The following ZNF320 variants were observed in gnomAD, a reference collection of about 807,000 sequenced individuals.
ZNF320 encodes the protein zinc finger protein 320, also known as zinc finger gene 320.
In ZNF320, 2 loss-of-function variants were observed where a neutral mutation model predicts 6.8. That is an observed-to-expected ratio of 0.29 (90% CI 0.12 to 0.93). The LOEUF is 0.93. ZNF320 is among the 40% of genes least tolerant of loss of function. ZNF320 has a pLI of 0.55. For missense variants in ZNF320, 472 were observed against 611.0 expected (o/e 0.77, Z 2.40); for synonymous variants, 208 against 203.2 (o/e 1.02, Z -0.20).
rs2063911712 is a variant in ZNF320 at position 52,881,318 on chromosome 19, C to T, written c.808G>A (p.Glu270Lys). The change falls in exon 6 of 6, where the codon GAG (glutamate) becomes AAG (lysine). Residue 270 changes from glutamate (E) to lysine (K), a missense_variant. Glu to Lys is a moderately conservative substitution (Grantham distance 56). This residue lies in a region of ZNF320 where 462 missense variants were observed against 559.7 expected (regional missense o/e 0.83). Transcript: ENST00000682928. ...CACTCATTACATTTGTAAGGTTTCTCTCCAGTATGCAGTCTATGATGGTAC... is the reference window on the plus strand; with the variant it reads ...CACTCATTACATTTGTAAGGTTTCTTTCCAGTATGCAGTCTATGATGGTAC... ...LVYHHRLHTG[E>K]KPYKCNECGK... is the part of the protein sequence containing the mutation. The T allele has an allele frequency of 6.2e-7, 1 of 1,614,196 alleles. No homozygotes were observed. The highest frequency in any genetic ancestry group is 8.5e-7 in the Non-Finnish European group (1 of 1,180,038).
At chr19:52,890,680 T>C (rs1412760277) in intron 3 of ZNF320, among the ~76,000 whole-genome samples, 5 of 152,030 alleles carry the variant, frequency 3.3e-5, no homozygotes, top group Non-Finnish European at 7.4e-5. Flanking sequence ...GTGACTAGCC[T>C]AGGCAACATG....
chr19:52,874,017 T>C, downstream of ZNF320: 1 of 464,566 alleles, frequency 2.2e-6, no homozygotes, highest in Non-Finnish European at 4.3e-6. Flanking sequence ...CCCTGGCTCC[T>C]TTTCTTTGCC....
In ZNF320 at chr19:52,879,027, G is replaced by C. The variant is rs1333897418; in HGVS notation, c.*1569C>G. The C allele has an allele frequency of 6.6e-6, 1 of 152,136 alleles. No individual in the cohort carries two copies. The highest frequency in any genetic ancestry group is 2.4e-5 in the African/African-American group (1 of 41,434). The allele number at this position is 152,136 out of a possible 1,614,324, so 9.4% of individuals were successfully genotyped here. A position where few individuals can be genotyped will look rare whatever the true frequency, so the allele number is the denominator to read the frequency against. ...GTTTCTTCTTGTTTCAGTTTTAGCA[G>C]AATTTACATTGCCTTGATTGAGTCT... On this transcript the variant is annotated 3_prime_UTR_variant, in exon 6 of 6. Transcript: ENST00000682928.
rs1245659988 is a variant in ZNF320, at chr19:52,877,431, G to A, written c.*3165C>T. 1 of 152,202 alleles carries A rather than the reference G, an allele frequency of 6.6e-6. No homozygotes were observed. Among genetic ancestry groups the A allele is most frequent in the Non-Finnish European group, 1.5e-5 (1 of 68,040 alleles). The allele number at this position is 152,202 out of a possible 1,614,324, so 9.4% of individuals were successfully genotyped here. Reference sequence around the variant, plus strand: ...CAGGGAGGAGGGATAAGTCACTTATGCCTTAGGCTGGCTCAGGGACCCTGT... The same window carrying A: ...CAGGGAGGAGGGATAAGTCACTTATACCTTAGGCTGGCTCAGGGACCCTGT... On this transcript the variant is annotated 3_prime_UTR_variant, in exon 6 of 6. Coordinates refer to ENST00000682928, the MANE Select transcript of ZNF320 (RefSeq NM_001351774.2).
intron 5 of ZNF320, among the ~76,000 whole-genome samples, chr19:52,869,169 T>G (rs2063634541): frequency 6.6e-6 from 1 of 152,094 alleles, no homozygotes; most frequent in African/African-American, 2.4e-5. Context: ...TGGAACTAAT[T>G]TAGCAAATGG....
rs576145242 is a variant in ZNF320, at chr19:52,862,799, T to C, written c.*1230A>G. ...TTCTCCTATGCATTGCAAGGTGTGA[T>C]CTGCAACTGAAAACGTTGTCACATT... On this transcript the variant is annotated 3_prime_UTR_variant, in exon 6 of 6. Transcript: ENST00000673631. 3.4e-4 allele frequency: 119 copies of C among 351,854 alleles called. 3 individuals are homozygous for C. Among genetic ancestry groups the C allele is most frequent in the South Asian group, 3.1e-3 (114 of 36,642 alleles). The allele number at this position is 351,854 out of a possible 1,614,324, so 21.8% of individuals were successfully genotyped here.
chr19:52,875,020 G>C (rs1419889383), downstream of ZNF320, among the ~76,000 whole-genome samples: 1 of 152,166 alleles, frequency 6.6e-6, no homozygotes, highest in Non-Finnish European at 1.5e-5. Flanking sequence ...ATGAGGCCTT[G>C]AAACATTTTT....
chr19:52,863,757 G>A (rs551710029), exon 6 of ZNF320: 12 of 169,424 alleles, frequency 7.1e-5, no homozygotes, highest in African/African-American at 1.7e-4. Context: ...AACAATGCCA[G>A]GTGCGGTGGC....
chr19:52,867,600 A>C (rs1568695749), intron 5 of ZNF320, among the ~76,000 whole-genome samples: 1 of 151,814 alleles, frequency 6.6e-6, no homozygotes, highest in African/African-American at 2.4e-5. Flanking sequence ...CAGTGCTTTT[A>C]TTTTTATTTT....
chr19:52,866,589 T>C (rs1436524765), intron 5 of ZNF320, among the ~76,000 whole-genome samples: 2 of 152,070 alleles, frequency 1.3e-5, no homozygotes, highest in Non-Finnish European at 2.9e-5. Context: ...ACATTTATCA[T>C]GTCGAGCTCT....
intron 5 of ZNF320, among the ~76,000 whole-genome samples, chr19:52,867,176 TAA>T (rs1491347101): frequency 6.6e-6 from 1 of 151,562 alleles, no homozygotes; most frequent in African/African-American, 2.4e-5. Flanking sequence ...TTTAATTAAT[TAA>T]TTAATTAATT....
At chr19:52,899,492 T>C (rs2147915499), upstream of ZNF320, among the ~76,000 whole-genome samples, 1 of 152,316 alleles carries the variant, frequency 6.6e-6, no homozygotes, top group East Asian at 1.9e-4. Flanking sequence ...TGATGGAGTC[T>C]CGCTCTGTCA....
upstream of ZNF320, among the ~76,000 whole-genome samples, chr19:52,898,146 C>G (rs1360307390): frequency 2.0e-5 from 3 of 152,186 alleles, no homozygotes; most frequent in Non-Finnish European, 2.9e-5. Flanking sequence ...CTCAGCGAAA[C>G]CTCCAATTTC....
chr19:52,865,703 TTATATATGATTATACACATATTTA>T (rs2063545073), intron 5 of ZNF320, among the ~76,000 whole-genome samples: 2 of 128,502 alleles, frequency 1.6e-5, no homozygotes, highest in Admixed American at 8.5e-5. Flanking sequence ...ATACATATAT[TTATATATGATTATACACATATTTA>T]TATATATGAT....
chr19:52,890,304 T>C lies in ZNF320; in HGVS notation c.-49A>G, dbSNP rs983275724. ...TCCTCTTCTGGGTTTCTTCCTCAGG[T>C]ACCAAGAGTCTTTAGAAGTCAATCC... On this transcript the variant is annotated 5_prime_UTR_variant, in exon 4 of 6. Coordinates refer to ENST00000682928, the MANE Select transcript of ZNF320 (RefSeq NM_001351774.2). 14 of 1,595,308 alleles carry C rather than the reference T, an allele frequency of 8.8e-6. No individual in the cohort carries two copies. In the African/African-American group the frequency reaches 1.8e-4, roughly 20 times the overall value.
At chr19:52,874,143 C>T, downstream of ZNF320, 1 of 230,402 alleles carries the variant, frequency 4.3e-6, no homozygotes, top group East Asian at 1.4e-4. Context: ...AAAACACACA[C>T]ACGGGAGATC....
intron 5 of ZNF320, among the ~76,000 whole-genome samples, chr19:52,885,251 C>A (rs2064038129): frequency 6.6e-6 from 1 of 151,648 alleles, no homozygotes; most frequent in Admixed American, 6.6e-5. Context: ...CTCCAACCCA[C>A]AAACATATAT....
Position 52,870,676 on chromosome 19 carries a change from G to C in ZNF320, c.223+3316C>G, listed in dbSNP as rs368611751. Among the ~76,000 whole-genome samples the C allele has an allele frequency of 2.7e-4, 41 of 151,490 alleles. No individual in the cohort carries two copies. The South Asian group carries it at 2.9e-3, about 11-fold the overall frequency. On this transcript the variant is annotated intron_variant, in intron 5 of 5. Transcript: ENST00000673631. ...AGCTACTCGAGGTGCTCAGGCAAAA[G>C]AATCACTGTAATCCAGGAGGCAGAG...
intron 5 of ZNF320, chr19:52,865,434 T>TTTTTTA (rs368584132): frequency 0.45 from 68,894 of 152,978 alleles, 16,738 homozygotes; most frequent in Non-Finnish European, 0.47. Context: ...GGTCCAGGCT[T>TTTTTTA]TATATATATA....
Sources: allele counts gnomAD v4.1 joint callset (sites outside exome capture counted in the v4.1 genomes callset), GRCh38; gene constraint gnomAD v4.1.1; regional missense constraint gnomAD v4.1.1; transcripts MANE v1.5; gene names NCBI Gene and HGNC (gene_info 2026-07-23, HGNC 2026-07-21).